The following NDUFA10 variants were observed in gnomAD, a reference collection of about 807,000 sequenced individuals.
NDUFA10 encodes NADH dehydrogenase [ubiquinone] 1 alpha subcomplex subunit 10, mitochondrial.
NDUFA10 carries 40 observed loss-of-function variants against 47.8 expected under a neutral mutation model. That is an observed-to-expected ratio of 0.84 (90% CI 0.65 to 1.09). NDUFA10 has a LOEUF of 1.09. Ranked by LOEUF, NDUFA10 falls within the 50% of genes least tolerant of loss-of-function variation. The pLI is 0.00. For synonymous variants in NDUFA10, 183 were observed against 172.2 expected, an observed-to-expected ratio of 1.06 and a Z score of -0.49; for missense variants, 413 against 451.1, an observed-to-expected ratio of 0.92 and a Z score of 0.76.
At chr2:239,907,342 G>A (rs901570680) in intron 4 of NDUFA10, among the ~76,000 whole-genome samples, 3 of 152,174 alleles carry the variant, frequency 2.0e-5, no homozygotes, top group African/African-American at 7.2e-5. Context: ...CATGGGCAAG[G>A]ACTTCATGAC....
intron 8 of NDUFA10, among the ~76,000 whole-genome samples, chr2:240,000,349 G>C (rs562990698): frequency 6.6e-6 from 1 of 152,034 alleles, no homozygotes; most frequent in African/African-American, 2.4e-5. Flanking sequence ...AGATGCTCCC[G>C]ACTCCAGGTA....
intron 9 of NDUFA10, among the ~76,000 whole-genome samples, chr2:239,967,977 TATAC>T (rs1223617437): frequency 4.3e-5 from 6 of 139,646 alleles, no homozygotes; most frequent in East Asian, 2.1e-4. Flanking sequence ...AGGAAAAAAA[TATAC>T]ACACACACAC....
In NDUFA10 at chr2:239,969,692, T is replaced by A. The variant is rs778174767; in HGVS notation, c.1000-8506A>T. The A allele has an allele frequency of 6.4e-6, 3 of 471,340 alleles. No individual in the cohort carries two copies. The Admixed American group carries it at 7.0e-5, about 11-fold the overall frequency. 29.2% of individuals were successfully genotyped at this position (471,340 alleles called of 1,614,324 possible). A position where few individuals can be genotyped will look rare whatever the true frequency, so the allele number is the denominator to read the frequency against. On this transcript the variant is annotated intron_variant, in intron 9 of 9. Transcript: ENST00000252711. ...GCCATCTCAGACTTCCTCTCCCCGATCCTTCAAAGGTGTTTTCTTCCAACA... is the reference window on the plus strand; with the variant it reads ...GCCATCTCAGACTTCCTCTCCCCGAACCTTCAAAGGTGTTTTCTTCCAACA...
intron 2 of NDUFA10, among the ~76,000 whole-genome samples, chr2:240,021,744 C>A (rs1697632225): frequency 6.6e-6 from 1 of 152,208 alleles, no homozygotes; most frequent in Admixed American, 6.5e-5. Flanking sequence ...CACTCAGCTG[C>A]ACCAGGAGTC....
chr2:239,894,700 G>T (rs757760753), intron 5 of NDUFA10, among the ~76,000 whole-genome samples: 7 of 152,084 alleles, frequency 4.6e-5, no homozygotes, highest in South Asian at 2.1e-4. Flanking sequence ...CTCTGTGGCT[G>T]TCCCTTCTGA....
At chr2:239,944,941 G>T (rs1470451662) in intron 4 of NDUFA10, among the ~76,000 whole-genome samples, 1 of 151,740 alleles carries the variant, frequency 6.6e-6, no homozygotes, top group Non-Finnish European at 1.5e-5. Flanking sequence ...GGCCCTCCCA[G>T]GCTGCACCCC....
intron 4 of NDUFA10, among the ~76,000 whole-genome samples, chr2:239,900,536 G>C (rs1174002083): frequency 2.0e-5 from 3 of 150,684 alleles, no homozygotes; most frequent in Non-Finnish European, 2.9e-5. Flanking sequence ...GCTCTGAGTA[G>C]GTAACCTGTG....
chr2:239,969,846 C>T (rs1380448293), intron 9 of NDUFA10: 3 of 456,624 alleles, frequency 6.6e-6, no homozygotes, highest in Non-Finnish European at 1.4e-5. Context: ...AGAAACTATC[C>T]AAAATTAGGC....
In NDUFA10 at chr2:239,981,370, G is replaced by T. The variant is rs189173588; in HGVS notation, c.999+8704C>A. 4.1e-4 allele frequency among the ~76,000 whole-genome samples: 63 copies of T among 152,160 alleles called. 1 individual carries two copies. The highest frequency in any genetic ancestry group is 1.2e-4 in the Non-Finnish European group (8 of 68,002). ...GAAACAACGAACAAGATCAGACAGCGTCCAGAGCAGCGCTCCAGAGACAGA... is the reference window on the plus strand; with the variant it reads ...GAAACAACGAACAAGATCAGACAGCTTCCAGAGCAGCGCTCCAGAGACAGA... On this transcript the variant is annotated intron_variant, in intron 9 of 9. Transcript: ENST00000252711.
At chr2:239,901,516 G>GC (rs796419060) in intron 4 of NDUFA10, among the ~76,000 whole-genome samples, 56 of 152,108 alleles carry the variant, frequency 3.7e-4, no homozygotes, top group African/African-American at 1.3e-3. Flanking sequence ...CAATGCACCT[G>GC]CCCCCCAAGA....
At chr2:239,985,071 G>A (rs1170297104) in intron 9 of NDUFA10, among the ~76,000 whole-genome samples, 1 of 152,054 alleles carries the variant, frequency 6.6e-6, no homozygotes, top group Non-Finnish European at 1.5e-5. Context: ...TCCTCTCCAG[G>A]GTGAGATGAC....
At chr2:239,962,970 C>T (rs1283738288) in intron 9 of NDUFA10, among the ~76,000 whole-genome samples, 2 of 152,152 alleles carry the variant, frequency 1.3e-5, no homozygotes, top group Non-Finnish European at 2.9e-5. Flanking sequence ...CCACCAGACC[C>T]CACCTCCAAC....
At chr2:239,989,451 G>A (rs549689204) in intron 9 of NDUFA10, among the ~76,000 whole-genome samples, 40 of 152,338 alleles carry the variant, frequency 2.6e-4, no homozygotes, top group South Asian at 8.3e-4. Context: ...CCACTGCCGC[G>A]GATATGGATC....
chr2:239,959,084 T>C lies in NDUFA10; in HGVS notation c.*2034A>G, dbSNP rs1559316285. The C allele has an allele frequency of 4.1e-6, 4 of 985,376 alleles. No homozygotes were observed. The highest frequency in any genetic ancestry group is 1.1e-4 in the East Asian group (1 of 8,832). The allele number at this position is 985,376 out of a possible 1,614,324, so 61.0% of individuals were successfully genotyped here. ...ACAGTGTTTATTCATCTTTCTCTGC[T>C]GAACATGCATGTCATTGAAAACACC... is the stretch of plus-strand genomic sequence containing the variant. On this transcript the variant is annotated 3_prime_UTR_variant, in exon 10 of 10. Transcript: ENST00000252711.
chr2:239,953,673 A>G (rs1694600693), downstream of NDUFA10, among the ~76,000 whole-genome samples: 1 of 151,454 alleles, frequency 6.6e-6, no homozygotes, highest in Non-Finnish European at 1.5e-5. Flanking sequence ...GTGCCCTCTT[A>G]GGTGGGAAAA....
downstream of NDUFA10, among the ~76,000 whole-genome samples, chr2:239,954,325 G>A (rs943791314): frequency 9.9e-5 from 15 of 152,170 alleles, no homozygotes; most frequent in Non-Finnish European, 1.6e-4. Context: ...CCCCAGGACC[G>A]TGAGAGTGGG....
intron 4 of NDUFA10, among the ~76,000 whole-genome samples, chr2:239,935,086 C>G (rs1694241751): frequency 6.6e-6 from 1 of 152,196 alleles, no homozygotes; most frequent in African/African-American, 2.4e-5. Context: ...CGCCTCTGGT[C>G]CGAAATAGCA....
At chr2:239,996,838 G>A (rs767705903) in intron 8 of NDUFA10, among the ~76,000 whole-genome samples, 15 of 149,144 alleles carry the variant, frequency 1.0e-4, no homozygotes, top group East Asian at 5.8e-4. Context: ...ATCAGCTATC[G>A]TCAGTGTTAT....
chr2:240,018,300 G>C (rs189904201), intron 4 of NDUFA10: 9 of 1,054,840 alleles, frequency 8.5e-6, no homozygotes, highest in South Asian at 3.1e-5. Flanking sequence ...TTTAAGCTGC[G>C]TGTGTTTGAG....
Sources: gnomAD v4.1 joint callset for allele counts (sites outside exome capture counted in the v4.1 genomes callset) on GRCh38, gnomAD v4.1.1 for gene constraint, MANE v1.5 for transcripts, NCBI Gene and HGNC (gene_info 2026-07-23, HGNC 2026-07-21) for gene names.